SGCZ: variants seen among roughly 807,000 people sequenced by gnomAD.
The protein encoded by SGCZ is sarcoglycan zeta.
In SGCZ, 40 loss-of-function variants were observed where a neutral mutation model predicts 41.3. The observed-to-expected ratio is 0.97, with a 90% confidence interval of 0.75 to 1.26. SGCZ has a LOEUF of 1.26. SGCZ is among the 50% of genes most tolerant of loss of function. SGCZ has a pLI of 0.00. For synonymous variants in SGCZ, 206 were observed against 137.5 expected, an observed-to-expected ratio of 1.50 and a Z score of -3.49; for missense variants, 552 against 369.8, an observed-to-expected ratio of 1.49 and a Z score of -4.04.
At chr8:14,378,399 C>T (rs902680115) in intron 2 of SGCZ, among the ~76,000 whole-genome samples, 103 of 152,066 alleles carry the variant, frequency 6.8e-4, no homozygotes, top group African/African-American at 2.4e-3. Flanking sequence ...ACACCAAAAG[C>T]AATGGCAACA....
chr8:14,556,808 T>C (rs1435455251), intron 1 of SGCZ, among the ~76,000 whole-genome samples: 1 of 152,110 alleles, frequency 6.6e-6, no homozygotes, highest in African/African-American at 2.4e-5. Flanking sequence ...TATTCCACTG[T>C]ACATATATAT....
intron 1 of SGCZ, among the ~76,000 whole-genome samples, chr8:14,838,575 G>T (rs1420562849): frequency 6.6e-6 from 1 of 152,132 alleles, no homozygotes; most frequent in Admixed American, 6.5e-5. Flanking sequence ...ATCTGAAGCT[G>T]TTTACCTCCC....
intron 5 of SGCZ, among the ~76,000 whole-genome samples, chr8:14,110,547 T>A (rs1320024277): frequency 6.6e-6 from 1 of 152,196 alleles, no homozygotes; most frequent in Admixed American, 6.5e-5. Flanking sequence ...AAATATGTAA[T>A]CATACCACGT....
chr8:14,684,053 T>C (rs1808530152), intron 1 of SGCZ, among the ~76,000 whole-genome samples: 1 of 152,176 alleles, frequency 6.6e-6, no homozygotes. Flanking sequence ...TATACAGTCC[T>C]AGAGATTATG....
chr8:14,283,102 G>C (rs1048401752), intron 3 of SGCZ, among the ~76,000 whole-genome samples: 16 of 151,974 alleles, frequency 1.1e-4, no homozygotes, highest in Admixed American at 1.0e-3. Context: ...GCCCGCCTCG[G>C]CCTTCCAAAG....
intron 1 of SGCZ, among the ~76,000 whole-genome samples, chr8:14,695,831 CAT>C (rs959338280): frequency 5.3e-5 from 8 of 151,848 alleles, no homozygotes; most frequent in Admixed American, 5.3e-4. Context: ...TGATGATTAA[CAT>C]ATAATAAAAC....
chr8:14,333,420 TG>T (rs1249486704), intron 2 of SGCZ, among the ~76,000 whole-genome samples: 1 of 152,164 alleles, frequency 6.6e-6, no homozygotes, highest in Non-Finnish European at 1.5e-5. Flanking sequence ...GACTTCCATA[TG>T]TTAATCTTTT....
rs1808698824 is a variant in SGCZ at position 14,688,679 on chromosome 8, C to A, written c.40-133753G>T. Among the ~76,000 whole-genome samples the A allele has an allele frequency of 3.3e-5, 5 of 152,082 alleles. No individual in the cohort carries two copies. The South Asian group carries it at 1.0e-3, about 32-fold the overall frequency. On this transcript the variant is annotated intron_variant, in intron 1 of 7. Transcript: ENST00000382080. ...CTTAGGATTGACTTGGCAATGCGGG[C>A]TCTTTTTTGGTGCCATATGAACTTT...
At chr8:14,595,003 A>T (rs1805362442) in intron 1 of SGCZ, among the ~76,000 whole-genome samples, 1 of 151,794 alleles carries the variant, frequency 6.6e-6, no homozygotes, top group African/African-American at 2.4e-5. Flanking sequence ...TATATTTTAT[A>T]TTTTTTTCTG....
Position 14,287,880 on chromosome 8 carries a change from T to G in SGCZ, c.336+36223A>C, listed in dbSNP as rs533311479. ...AGTCTTCATTTGCAGTAATTGGGAA[T>G]CTAGCTTAATGGTCTGAGAATTTGA... On this transcript the variant is annotated intron_variant, in intron 3 of 7. Coordinates refer to ENST00000382080, the MANE Select transcript of SGCZ (RefSeq NM_139167.4). Among the ~76,000 whole-genome samples the G allele has an allele frequency of 2.0e-5, 3 of 152,254 alleles. No individual in the cohort carries two copies. In the East Asian group the frequency reaches 5.8e-4, roughly 29 times the overall value.
At chr8:14,962,380 G>A (rs908194364) in intron 1 of SGCZ, among the ~76,000 whole-genome samples, 17 of 142,616 alleles carry the variant, frequency 1.2e-4, no homozygotes, top group African/African-American at 4.1e-4. Flanking sequence ...TCAAATCAAG[G>A]TAATTGTATA....
chr8:15,177,759 T>G (rs899511651), intron 1 of SGCZ, among the ~76,000 whole-genome samples: 1 of 152,330 alleles, frequency 6.6e-6, no homozygotes, highest in African/African-American at 2.4e-5. Context: ...GCATCTTCAC[T>G]TGTAAGCAAT....
intron 1 of SGCZ, among the ~76,000 whole-genome samples, chr8:15,113,941 G>A (rs947820471): frequency 3.9e-5 from 6 of 152,012 alleles, no homozygotes; most frequent in Non-Finnish European, 8.8e-5. Context: ...TTTTCCCCAC[G>A]CATTTCTCTA....
intron 1 of SGCZ, among the ~76,000 whole-genome samples, chr8:15,199,653 A>G (rs1800835659): frequency 6.6e-6 from 1 of 152,230 alleles, no homozygotes; most frequent in South Asian, 2.1e-4. Context: ...ACAGTCAGGA[A>G]CCTATAAATT....
intron 6 of SGCZ, among the ~76,000 whole-genome samples, chr8:14,106,227 T>C (rs1221355520): frequency 6.6e-6 from 1 of 152,220 alleles, no homozygotes; most frequent in Non-Finnish European, 1.5e-5. Flanking sequence ...ATGTGTATCC[T>C]GTTCTAATGG....
intron 5 of SGCZ, among the ~76,000 whole-genome samples, chr8:14,120,310 C>T (rs1585152722): frequency 6.6e-6 from 1 of 152,206 alleles, no homozygotes; most frequent in East Asian, 1.9e-4. Flanking sequence ...AAAAGTTCAT[C>T]ATGATTAACC....
chr8:14,332,368 G>A (rs1198400458), intron 2 of SGCZ, among the ~76,000 whole-genome samples: 1 of 152,138 alleles, frequency 6.6e-6, no homozygotes, highest in African/African-American at 2.4e-5. Context: ...GTGAACCCGG[G>A]AGGCGGAGCT....
intron 2 of SGCZ, among the ~76,000 whole-genome samples, chr8:14,461,757 G>T (rs1463918879): frequency 1.3e-5 from 2 of 151,934 alleles, no homozygotes; most frequent in African/African-American, 4.8e-5. Flanking sequence ...TTGCTTTTTA[G>T]GCCATTATAA....
chr8:15,180,379 C>T (rs1057226399), intron 1 of SGCZ, among the ~76,000 whole-genome samples: 1 of 152,038 alleles, frequency 6.6e-6, no homozygotes, highest in Non-Finnish European at 1.5e-5. Flanking sequence ...TTTGATAGTC[C>T]CTTTACAAAA....
Sources: gnomAD v4.1 joint callset for allele counts (sites outside exome capture counted in the v4.1 genomes callset) on GRCh38, gnomAD v4.1.1 for gene constraint, MANE v1.5 for transcripts, NCBI Gene and HGNC (gene_info 2026-07-23, HGNC 2026-07-21) for gene names.